SHPRH: variants seen among roughly 807,000 people sequenced by gnomAD.
The protein encoded by SHPRH is SNF2 histone linker PHD RING helicase, also known as E3 ubiquitin-protein ligase SHPRH.
A neutral mutation model predicts 202.5 loss-of-function variants in SHPRH; 106 were observed. The ratio of observed to expected loss-of-function variants is 0.52; its 90% CI spans 0.45 to 0.62. The LOEUF (loss-of-function observed/expected upper bound fraction) is 0.62. SHPRH is among the 20% of genes least tolerant of loss of function. The pLI is 0.00. For synonymous variants in SHPRH, 729 were observed against 686.0 expected, an observed-to-expected ratio of 1.06 and a Z score of -0.98; for missense variants, 1,710 against 2,020.0, an observed-to-expected ratio of 0.85 and a Z score of 2.94.
chr6:145,874,653 T>C (rs1780219781), intron 2 of SHPRH, among the ~76,000 whole-genome samples: 1 of 152,210 alleles, frequency 6.6e-6, no homozygotes, highest in East Asian at 1.9e-4. Flanking sequence ...CAAAATTGAT[T>C]TTAAAATCAC....
At chr6:145,937,394 T>C (rs1016518638) in intron 11 of SHPRH, among the ~76,000 whole-genome samples, 7 of 152,186 alleles carry the variant, frequency 4.6e-5, no homozygotes, top group South Asian at 2.1e-4. Context: ...TTTTGCCTTA[T>C]CCACTTTTTT....
the SHPRH span, among the ~76,000 whole-genome samples, chr6:145,858,103 A>C: frequency 6.6e-6 from 1 of 152,138 alleles, no homozygotes; most frequent in Non-Finnish European, 1.5e-5. Context: ...GAACATTCAT[A>C]CTTTTTTGTG....
chr6:145,882,982 G>A (rs971461848), downstream of SHPRH, among the ~76,000 whole-genome samples: 1 of 152,122 alleles, frequency 6.6e-6, no homozygotes, highest in Non-Finnish European at 1.5e-5. Flanking sequence ...TGTGTCCTTG[G>A]ACAAATGGCT....
At chr6:145,858,977 G>T in the SHPRH span, among the ~76,000 whole-genome samples, 1 of 151,864 alleles carries the variant, frequency 6.6e-6, no homozygotes, top group African/African-American at 2.4e-5. Context: ...TTTCTCATTA[G>T]TCTGTATTTT....
chr6:145,958,156 G>A (rs1788698164), intron 1 of SHPRH, among the ~76,000 whole-genome samples: 2 of 152,140 alleles, frequency 1.3e-5, no homozygotes, highest in Non-Finnish European at 2.9e-5. Flanking sequence ...CCAGGGGCAA[G>A]GAAGTATAAA....
chr6:145,922,696 CAG>C lies in SHPRH; in HGVS notation c.3684_3685del (p.Cys1229SerfsTer16). On this transcript the variant is annotated frameshift_variant, in exon 19 of 30. Coordinates refer to ENST00000275233, the MANE Select transcript of SHPRH (RefSeq NM_001042683.3). LOFTEE classifies it high-confidence loss of function. ...AGGAAGTCTGGCTGGTCGGAGGTGA[CAG>C]ACTGTTGCAGACTCAATAACATTAC... The C allele has an allele frequency of 6.2e-7, 1 of 1,609,902 alleles. No homozygotes were observed. Among genetic ancestry groups the C allele is most frequent in the Non-Finnish European group, 8.5e-7 (1 of 1,178,020 alleles).
chr6:145,860,498 A>C (rs968165012), downstream of SHPRH, among the ~76,000 whole-genome samples: 8 of 152,050 alleles, frequency 5.3e-5, no homozygotes, highest in African/African-American at 1.7e-4. Flanking sequence ...TAAAATTTAA[A>C]AGATACAAAT....
At chr6:145,944,085 T>C (rs1157183178) in intron 8 of SHPRH, among the ~76,000 whole-genome samples, 2 of 152,272 alleles carry the variant, frequency 1.3e-5, no homozygotes, top group African/African-American at 4.8e-5. Context: ...CCTACTATGA[T>C]TTAGTCTACC....
At chr6:145,899,571 C>A (rs1458729087) in intron 25 of SHPRH, among the ~76,000 whole-genome samples, 1 of 151,902 alleles carries the variant, frequency 6.6e-6, no homozygotes, top group Admixed American at 6.6e-5. Flanking sequence ...AATATAAGAC[C>A]CAAAACTACA....
chr6:145,931,097 T>C (rs1377954821), intron 14 of SHPRH, among the ~76,000 whole-genome samples: 1 of 152,120 alleles, frequency 6.6e-6, no homozygotes, highest in African/African-American at 2.4e-5. Flanking sequence ...ATATCTTTTT[T>C]CATCCTCTTA....
chr6:145,873,155 C>A (rs1780131723), intron 2 of SHPRH, among the ~76,000 whole-genome samples: 1 of 151,950 alleles, frequency 6.6e-6, no homozygotes, highest in South Asian at 2.1e-4. Context: ...ACCTGCATAT[C>A]CTGCACATGT....
At chr6:145,960,164 T>A (rs1304727671) in intron 1 of SHPRH, among the ~76,000 whole-genome samples, 1 of 152,000 alleles carries the variant, frequency 6.6e-6, no homozygotes, top group African/African-American at 2.4e-5. Flanking sequence ...GTAGTTCCTA[T>A]CCCCTCTCCT....
Position 145,910,577 on chromosome 6 carries a change from T to C in SHPRH, c.4386A>G (p.Glu1462=). 1.2e-6 allele frequency: 2 copies of C among 1,612,802 alleles called. No homozygotes were observed. The highest frequency in any genetic ancestry group is 2.2e-5 in the East Asian group (1 of 44,790). The change falls in exon 25 of 30, where the codon GAA becomes GAG. Residue 1462 remains glutamate (E), a synonymous_variant. Coordinates refer to ENST00000275233, the MANE Select transcript of SHPRH (RefSeq NM_001042683.3). ...FCNECISIII[E]QYSVGSHRSS... The stretch of plus-strand genomic sequence containing the variant: ...TTCTGTGAGATCCCACGCTGTATTG[T>C]TCAATAATTATAGAAATGCATTCAT...
rs775027074 is a variant in SHPRH at position 145,935,177 on chromosome 6, CAG to C, written c.2734-16_2734-15del. ...TGGTATTTGGATCTGTGAAAAGGAG[CAG>C]AAAAAAAAAAAAAGATATCATCTAA... is the stretch of plus-strand genomic sequence containing the variant. On this transcript the variant is annotated splice_polypyrimidine_tract_variant and intron_variant, in intron 12 of 29. Coordinates refer to ENST00000275233, the MANE Select transcript of SHPRH (RefSeq NM_001042683.3). The C allele has an allele frequency of 2.6e-6, 4 of 1,565,322 alleles. No individual in the cohort carries two copies. In the South Asian group the frequency reaches 3.6e-5, roughly 14 times the overall value.
chr6:145,913,994 T>C (rs1783724097), intron 23 of SHPRH, among the ~76,000 whole-genome samples: 1 of 152,200 alleles, frequency 6.6e-6, no homozygotes, highest in Non-Finnish European at 1.5e-5. Context: ...TGTATGTATA[T>C]ATTTGCAGTT....
Position 145,954,998 on chromosome 6 carries a change from C to T in SHPRH, c.325G>A (p.Asp109Asn). The change falls in exon 2 of 30, where the codon GAT becomes AAT. Residue 109 changes from aspartate (D) to asparagine (N), a missense_variant. Physicochemically the swap from Asp to Asn is conservative, Grantham distance 23 (BLOSUM62 1). Coordinates refer to ENST00000275233, the MANE Select transcript of SHPRH (RefSeq NM_001042683.3). ...CCTAGAAATGCTTTCCAGGAATTAT[C>T]AAAATGATAGGGAGAAATCACAATA... ...LNIVISPYHF[D>N]NSWKAFLGEL... The T allele has an allele frequency of 6.2e-7, 1 of 1,613,604 alleles. No homozygotes were observed. Among genetic ancestry groups the T allele is most frequent in the Non-Finnish European group, 8.5e-7 (1 of 1,179,870 alleles).
intron 25 of SHPRH, among the ~76,000 whole-genome samples, chr6:145,898,168 A>G (rs1270048249): frequency 1.3e-5 from 2 of 151,918 alleles, no homozygotes; most frequent in Non-Finnish European, 2.9e-5. Context: ...TCAGGATACA[A>G]TAGAAACACA....
intron 2 of SHPRH, among the ~76,000 whole-genome samples, chr6:145,868,424 C>G (rs565017256): frequency 8.5e-5 from 13 of 152,194 alleles, no homozygotes; most frequent in Non-Finnish European, 1.6e-4. Flanking sequence ...TAATATCACA[C>G]AGCTGATAAG....
At chr6:145,870,252 G>A (rs1014639839) in intron 2 of SHPRH, among the ~76,000 whole-genome samples, 2 of 142,128 alleles carry the variant, frequency 1.4e-5, no homozygotes. Flanking sequence ...TTTGTCAATC[G>A]TTTCAGATTT....
Sources: allele counts gnomAD v4.1 joint callset (sites outside exome capture counted in the v4.1 genomes callset), GRCh38; gene constraint gnomAD v4.1.1; transcripts MANE v1.5; gene names NCBI Gene and HGNC (gene_info 2026-07-23, HGNC 2026-07-21).